Variants in SNAP91 observed in about 807,000 individuals in gnomAD.
SNAP91 encodes the protein clathrin coat assembly protein AP180.
In SNAP91, 27 loss-of-function variants were observed where a neutral mutation model predicts 100.3. The ratio of observed to expected loss-of-function variants is 0.27; its 90% CI spans 0.20 to 0.37. The LOEUF is 0.37. SNAP91 is among the 10% of genes least tolerant of loss of function. The pLI is 1.00. For synonymous variants in SNAP91, 404 were observed against 398.6 expected, an observed-to-expected ratio of 1.01 and a Z score of -0.16; for missense variants, 986 against 1,123.7, an observed-to-expected ratio of 0.88 and a Z score of 1.75.
chr6:83,605,322 A>T (rs2095542126), intron 14 of SNAP91, among the ~76,000 whole-genome samples: 1 of 152,310 alleles, frequency 6.6e-6, no homozygotes, highest in East Asian at 1.9e-4. Flanking sequence ...TTGAGTAACC[A>T]TAAATTAAGG....
chr6:83,676,693 C>T (rs2098908616), intron 2 of SNAP91, among the ~76,000 whole-genome samples: 1 of 152,114 alleles, frequency 6.6e-6, no homozygotes, highest in African/African-American at 2.4e-5. Flanking sequence ...TAATGGGAAG[C>T]TGCTAGAGGG....
chr6:83,708,796 G>C (rs1182929531), intron 1 of SNAP91, 49 bp downstream of exon 1: 1 of 151,962 alleles, frequency 6.6e-6, no homozygotes, highest in African/African-American at 2.4e-5. Flanking sequence ...GCGGATCCCC[G>C]CGAGACCCTG....
chr6:83,622,580 T>C (rs1479860861), intron 9 of SNAP91, among the ~76,000 whole-genome samples: 1 of 152,088 alleles, frequency 6.6e-6, no homozygotes, highest in Non-Finnish European at 1.5e-5. Flanking sequence ...TTAAATAACA[T>C]GTTTGGGATA....
chr6:83,674,629 G>C (rs934313620), intron 2 of SNAP91, among the ~76,000 whole-genome samples: 32 of 151,990 alleles, frequency 2.1e-4, no homozygotes, highest in African/African-American at 7.3e-4. Flanking sequence ...AAATCTCAAG[G>C]CTTCTATGCT....
chr6:83,605,667 T>C lies in SNAP91; in HGVS notation c.1141+18A>G. ...TAAAATGAATAGAGAAATGGCAAGGTTGTCTGGTTTTACTCACCTCCCCAT... is the reference window on the plus strand; with the variant it reads ...TAAAATGAATAGAGAAATGGCAAGGCTGTCTGGTTTTACTCACCTCCCCAT... On this transcript the variant is annotated intron_variant, in intron 14 of 29. Coordinates refer to ENST00000369694, the MANE Select transcript of SNAP91 (RefSeq NM_001242792.2). The C allele has an allele frequency of 6.5e-7, 1 of 1,550,144 alleles. No homozygotes were observed. Among genetic ancestry groups the C allele is most frequent in the Non-Finnish European group, 8.7e-7 (1 of 1,146,532 alleles).
chr6:83,552,956 T>C lies in SNAP91; in HGVS notation c.*1340A>G, dbSNP rs1773321725. The C allele has an allele frequency of 6.6e-6, 1 of 152,614 alleles. No homozygotes were observed. Among genetic ancestry groups the C allele is most frequent in the African/African-American group, 2.4e-5 (1 of 41,452 alleles). 9.5% of individuals were successfully genotyped at this position (152,614 alleles called of 1,614,324 possible). A position where few individuals can be genotyped will look rare whatever the true frequency, so the allele number is the denominator to read the frequency against. On this transcript the variant is annotated 3_prime_UTR_variant, in exon 30 of 30. Coordinates refer to ENST00000369694, the MANE Select transcript of SNAP91 (RefSeq NM_001242792.2). Reference sequence around the variant, plus strand: ...CATGCACTGGGTTTTTAAACTGAAATACAAAGAAAGCCATTTTGAAATTGG... The same window carrying C: ...CATGCACTGGGTTTTTAAACTGAAACACAAAGAAAGCCATTTTGAAATTGG...
chr6:83,621,429 C>T (rs183219074), intron 9 of SNAP91, among the ~76,000 whole-genome samples: 1 of 152,208 alleles, frequency 6.6e-6, no homozygotes, highest in African/African-American at 2.4e-5. Flanking sequence ...TAATGAATTT[C>T]TACCATAGAA....
intron 8 of SNAP91, among the ~76,000 whole-genome samples, chr6:83,636,853 T>C (rs1335407190): frequency 5.3e-5 from 8 of 152,228 alleles, no homozygotes; most frequent in African/African-American, 1.9e-4. Context: ...TACATTCTTT[T>C]TTCCCGTAAG....
intron 7 of SNAP91, among the ~76,000 whole-genome samples, chr6:83,647,053 C>T (rs947969754): frequency 2.7e-5 from 4 of 148,458 alleles, no homozygotes; most frequent in Admixed American, 1.4e-4. Context: ...TGCAACCTTG[C>T]TATAATTGCT....
At chr6:83,582,628 T>C (rs1025992136) in intron 22 of SNAP91, among the ~76,000 whole-genome samples, 3 of 152,204 alleles carry the variant, frequency 2.0e-5, no homozygotes, top group African/African-American at 7.2e-5. Context: ...AAATCTATTA[T>C]TACAATGGAG....
chr6:83,568,275 C>A (rs1048118587), intron 26 of SNAP91, among the ~76,000 whole-genome samples: 2 of 151,836 alleles, frequency 1.3e-5, no homozygotes, highest in East Asian at 3.9e-4. Context: ...TGTTCTCACT[C>A]ATAGGTGGGA....
At chr6:83,614,883 C>T (rs759324901) in intron 10 of SNAP91, 21 bp from the exon 11 acceptor site, 1 of 1,583,622 alleles carries the variant, frequency 6.3e-7, no homozygotes, top group African/African-American at 1.3e-5. Context: ...AAGGTAAGCA[C>T]AAACATACAA....
chr6:83,616,117 A>G (rs2096471505), intron 10 of SNAP91, among the ~76,000 whole-genome samples: 2 of 152,214 alleles, frequency 1.3e-5, no homozygotes, highest in South Asian at 4.1e-4. Flanking sequence ...TACATGTAAA[A>G]AAAGAAATAG....
At chr6:83,693,603 A>G (rs1261876885) in intron 2 of SNAP91, among the ~76,000 whole-genome samples, 1 of 152,228 alleles carries the variant, frequency 6.6e-6, no homozygotes, top group African/African-American at 2.4e-5. Flanking sequence ...GAAAGTTTAA[A>G]TATTAAATGC....
chr6:83,637,677 G>C (rs217329), intron 8 of SNAP91, among the ~76,000 whole-genome samples: 122,398 of 152,184 alleles, frequency 0.8, 49,522 homozygotes, highest in East Asian at 0.9. Context: ...GCTTTCAGGC[G>C]GCACCCTTCT....
chr6:83,635,560 C>G (rs2097403512), intron 8 of SNAP91, among the ~76,000 whole-genome samples: 2 of 151,876 alleles, frequency 1.3e-5, no homozygotes, highest in South Asian at 4.1e-4. Flanking sequence ...CATCCCTTTA[C>G]TTTGAGGCTA....
At position 83,553,970 on chromosome 6, in the gene SNAP91, T is replaced by C. The variant is rs185252686; in HGVS notation, c.*326A>G. ...AAACACAGACGTCTTTCCAAATAGC[T>C]CGCCACACAACAGCTGCATCATCTG... is the stretch of plus-strand genomic sequence containing the variant. On this transcript the variant is annotated 3_prime_UTR_variant, in exon 30 of 30. Coordinates refer to ENST00000369694, the MANE Select transcript of SNAP91 (RefSeq NM_001242792.2). 6.5e-6 allele frequency: 1 copy of C among 152,814 alleles called. No individual in the cohort carries two copies. The highest frequency in any genetic ancestry group is 1.9e-4 in the East Asian group (1 of 5,180). The allele number at this position is 152,814 out of a possible 1,614,324, so 9.5% of individuals were successfully genotyped here.
At chr6:83,612,840 G>A (rs1348850032) in intron 11 of SNAP91, among the ~76,000 whole-genome samples, 2 of 143,478 alleles carry the variant, frequency 1.4e-5, no homozygotes, top group African/African-American at 5.2e-5. Flanking sequence ...GCAGCGAGCC[G>A]AGATCGCACC....
chr6:83,577,499 A>G (rs970759731), intron 24 of SNAP91, among the ~76,000 whole-genome samples: 1 of 152,192 alleles, frequency 6.6e-6, no homozygotes, highest in African/African-American at 2.4e-5. Context: ...TGTACCTTAC[A>G]TATGTATACA....
Sources: gnomAD v4.1 joint callset for allele counts (sites outside exome capture counted in the v4.1 genomes callset) on GRCh38, gnomAD v4.1.1 for gene constraint, MANE v1.5 for transcripts, NCBI Gene and HGNC (gene_info 2026-07-23, HGNC 2026-07-21) for gene names.